PCSK2: variants seen among roughly 807,000 people sequenced by gnomAD.
PCSK2 encodes the protein neuroendocrine convertase 2.
Under a neutral mutation model 69.7 loss-of-function variants are expected in PCSK2, and 14 were observed. The observed-to-expected ratio is 0.20, with a 90% CI of 0.13 to 0.31. The LOEUF is 0.31. Ranked by LOEUF, PCSK2 falls within the 10% of genes least tolerant of loss-of-function variation. PCSK2 has a pLI of 1.00. For missense variants in PCSK2, 544 were observed against 842.5 expected (o/e 0.65, Z 4.39); for synonymous variants, 307 against 320.7 (o/e 0.96, Z 0.46).
chr20:17,453,972 T>G lies in PCSK2; in HGVS notation c.1101+15T>G. The G allele has an allele frequency of 6.2e-7, 1 of 1,613,964 alleles. No homozygotes were observed. Among genetic ancestry groups the G allele is most frequent in the Non-Finnish European group, 8.5e-7 (1 of 1,179,964 alleles). ...AGGCCGGTGTGGTGAGCACGTCCCC[T>G]TCTGTCCTTGTTTCCTTAGGGCCAC... On this transcript the variant is annotated intron_variant, in intron 9 of 11. Transcript: ENST00000262545. The surrounding 1 kb of genome is among the most constrained non-coding windows in gnomAD (Gnocchi z 4.0).
chr20:17,294,541 A>C (rs1466197421), intron 2 of PCSK2, among the ~76,000 whole-genome samples: 2 of 152,166 alleles, frequency 1.3e-5, no homozygotes, highest in African/African-American at 2.4e-5. Context: ...ACAGTTTCAT[A>C]CTGAATTCAG....
chr20:17,459,032 T>C (rs1296081723), intron 10 of PCSK2, among the ~76,000 whole-genome samples: 1 of 152,150 alleles, frequency 6.6e-6, no homozygotes, highest in African/African-American at 2.4e-5. Flanking sequence ...AAGAAAATCA[T>C]CTGGAGTAAA....
At chr20:17,392,857 G>A (rs1250909947) in intron 5 of PCSK2, among the ~76,000 whole-genome samples, 4 of 151,806 alleles carry the variant, frequency 2.6e-5, no homozygotes, top group East Asian at 1.9e-4. Flanking sequence ...CAGTTTGGAC[G>A]ATTATAAATA....
At chr20:17,304,550 C>A (rs1025933955) in intron 2 of PCSK2, among the ~76,000 whole-genome samples, 5 of 152,192 alleles carry the variant, frequency 3.3e-5, no homozygotes, top group Non-Finnish European at 5.9e-5. Flanking sequence ...GTAGAAGATT[C>A]TTTTCCTCAC....
chr20:17,238,051 G>A (rs1446191663), intron 1 of PCSK2, among the ~76,000 whole-genome samples: 1 of 152,176 alleles, frequency 6.6e-6, no homozygotes, highest in Non-Finnish European at 1.5e-5. Context: ...CAGATGCAGA[G>A]GCTGGCACCC....
chr20:17,471,939 A>T (rs2033209182), intron 11 of PCSK2, among the ~76,000 whole-genome samples: 1 of 152,178 alleles, frequency 6.6e-6, no homozygotes, highest in African/African-American at 2.4e-5. Context: ...GTGAGTGGTG[A>T]TTGTCAGGTT....
chr20:17,297,568 C>A (rs1217118466), intron 2 of PCSK2, among the ~76,000 whole-genome samples: 1 of 152,232 alleles, frequency 6.6e-6, no homozygotes, highest in Non-Finnish European at 1.5e-5. Flanking sequence ...TGCCATGGGT[C>A]TCTTTCCAGG....
chr20:17,263,591 G>A (rs766729643), intron 2 of PCSK2, among the ~76,000 whole-genome samples: 6 of 151,938 alleles, frequency 3.9e-5, no homozygotes, highest in African/African-American at 9.7e-5. Flanking sequence ...ATTTTCCTCC[G>A]TATCCCAAAA....
At chr20:17,458,699 A>C (rs2032965240) in intron 10 of PCSK2, among the ~76,000 whole-genome samples, 1 of 152,204 alleles carries the variant, frequency 6.6e-6, no homozygotes, top group Non-Finnish European at 1.5e-5. Flanking sequence ...CTTGAAAGAG[A>C]GAGAACAACA....
chr20:17,457,651 A>G (rs2032946083), intron 10 of PCSK2, among the ~76,000 whole-genome samples: 1 of 152,236 alleles, frequency 6.6e-6, no homozygotes, highest in Admixed American at 6.5e-5. Flanking sequence ...ATTTACTCAT[A>G]TCCAATGTAC....
chr20:17,390,889 C>T (rs2123270692), intron 5 of PCSK2, among the ~76,000 whole-genome samples: 1 of 152,154 alleles, frequency 6.6e-6, no homozygotes, highest in East Asian at 1.9e-4. Flanking sequence ...TTTTTTTTCT[C>T]CCCCAACTGC....
chr20:17,450,942 TA>T (rs2032810554), intron 8 of PCSK2, among the ~76,000 whole-genome samples: 1 of 152,088 alleles, frequency 6.6e-6, no homozygotes, highest in Non-Finnish European at 1.5e-5. Flanking sequence ...CCCCATCCCA[TA>T]ACCAGCTCTC....
intron 6 of PCSK2, among the ~76,000 whole-genome samples, chr20:17,428,785 G>A (rs937563841): frequency 6.6e-6 from 1 of 151,792 alleles, no homozygotes; most frequent in African/African-American, 2.4e-5. Context: ...GATCGCTTGA[G>A]CCCAGGAGTT....
At chr20:17,315,734 G>A (rs116563470) in intron 2 of PCSK2, among the ~76,000 whole-genome samples, 1 of 152,230 alleles carries the variant, frequency 6.6e-6, no homozygotes, top group South Asian at 2.1e-4. Context: ...AGCCTGGCTT[G>A]GGGGTGAGTC....
intron 5 of PCSK2, among the ~76,000 whole-genome samples, chr20:17,384,369 C>G (rs2031172953): frequency 1.3e-5 from 2 of 149,430 alleles, no homozygotes; most frequent in Non-Finnish European, 3.0e-5. Flanking sequence ...GGGTGGATCA[C>G]CTGAGGTCAG....
At chr20:17,335,425 CTTTGTGTGTGTG>C (rs780946038) in intron 2 of PCSK2, among the ~76,000 whole-genome samples, 6 of 30,382 alleles carry the variant, frequency 2.0e-4, no homozygotes, top group South Asian at 1.7e-3. Flanking sequence ...CACAGCATCA[CTTTGTGTGTGTG>C]TGTGTGTGTG....
At chr20:17,359,852 G>T (rs1185989959) in intron 3 of PCSK2, among the ~76,000 whole-genome samples, 1 of 152,174 alleles carries the variant, frequency 6.6e-6, no homozygotes, top group African/African-American at 2.4e-5. Flanking sequence ...GACACATGAA[G>T]ATTGGGAGTG....
At chr20:17,275,809 A>T (rs1988049872) in intron 2 of PCSK2, among the ~76,000 whole-genome samples, 1 of 152,126 alleles carries the variant, frequency 6.6e-6, no homozygotes, top group Non-Finnish European at 1.5e-5. Flanking sequence ...GTAACCTTCT[A>T]ATCTCTCTGG....
At chr20:17,447,487 C>G (rs1384828162) in intron 8 of PCSK2, among the ~76,000 whole-genome samples, 1 of 152,072 alleles carries the variant, frequency 6.6e-6, no homozygotes, top group Non-Finnish European at 1.5e-5. Context: ...AATGACAATT[C>G]TAAATTATGA....
Sources: gnomAD v4.1 joint callset for allele counts (sites outside exome capture counted in the v4.1 genomes callset) on GRCh38, gnomAD v4.1.1 for gene constraint, Gnocchi (gnomAD v3.1) non-coding constraint, MANE v1.5 for transcripts, NCBI Gene and HGNC (gene_info 2026-07-23, HGNC 2026-07-21) for gene names.